NFRKB: variants seen among roughly 807,000 people sequenced by gnomAD.
NFRKB encodes the protein nuclear factor related to kappa-B-binding protein.
Under a neutral mutation model 135.7 loss-of-function variants are expected in NFRKB, and 62 were observed. The observed-to-expected ratio is 0.46, with a 90% confidence interval of 0.37 to 0.56. The LOEUF (loss-of-function observed/expected upper bound fraction) is 0.56. NFRKB is among the 20% of genes least tolerant of loss of function. The pLI is 0.00. For synonymous variants in NFRKB, 678 were observed against 635.6 expected (o/e 1.07, Z -1.00); for missense variants, 1,545 against 1,662.0 (o/e 0.93, Z 1.22).
chr11:129,888,930 T>C (rs1949406864), intron 3 of NFRKB, 135 bp from the exon 4 acceptor site: 3 of 628,890 alleles, frequency 4.8e-6, no homozygotes, highest in Non-Finnish European at 8.1e-6. Context: ...TTCAGTGGCC[T>C]TAAGTGCATT....
rs1214557484 is a variant in NFRKB, at chr11:129,882,175, G to C, written c.1102C>G (p.Pro368Ala). 1 of 1,611,942 alleles carries C rather than the reference G, an allele frequency of 6.2e-7. No homozygotes were observed. Among genetic ancestry groups the C allele is most frequent in the Non-Finnish European group, 8.5e-7 (1 of 1,179,406 alleles). Residue 368 changes from proline (P) to alanine (A), a missense_variant, in exon 11 of 27, where the codon CCT (proline) becomes GCT (alanine). Pro to Ala is a conservative substitution (Grantham distance 27). Around this residue, in one of 3 missense-constraint regions of NFRKB, gnomAD observed 678 missense variants for 646.7 expected, o/e 1.05. Transcript: ENST00000682444. ...GATATTTCATTGATTCCAAGGCAAG[G>C]CTTGAGGTCTTCAAGGGGCCTAATG... ...IKEEPLEDLK[P>A]CLGINEISSS...
intron 4 of NFRKB, 24 bp downstream of exon 4, chr11:129,888,570 A>G (rs769914046): frequency 1.2e-6 from 2 of 1,612,404 alleles, no homozygotes; most frequent in African/African-American, 1.3e-5. Flanking sequence ...ACCCCCCTCA[A>G]AGAAAGAATA....
At chr11:129,867,269 G>A (rs1292498381) in intron 24 of NFRKB, among the ~76,000 whole-genome samples, 1 of 151,534 alleles carries the variant, frequency 6.6e-6, no homozygotes, top group African/African-American at 2.4e-5. Context: ...TCAAGTGAGT[G>A]CAGTTTCCCG....
chr11:129,888,411 TCAATA>T (rs1284778476), intron 4 of NFRKB, 178 bp downstream of exon 4: 13 of 705,294 alleles, frequency 1.8e-5, no homozygotes, highest in Non-Finnish European at 3.4e-5. Flanking sequence ...TCTATATAAG[TCAATA>T]CATTTTTGTT....
intron 12 of NFRKB, 88 bp from the exon 13 acceptor site, chr11:129,881,596 A>G: frequency 6.3e-7 from 1 of 1,597,574 alleles, no homozygotes; most frequent in Admixed American, 1.7e-5. Context: ...TGTATTAGAA[A>G]AGCAGGAACC....
intron 3 of NFRKB, among the ~76,000 whole-genome samples, 183 bp from the exon 4 acceptor site, chr11:129,888,978 ATT>A (rs375449345): frequency 2.8e-5 from 4 of 143,874 alleles, no homozygotes; most frequent in African/African-American, 1.0e-4. Flanking sequence ...AATTTTTTAC[ATT>A]TTTTTTTTTT....
At chr11:129,867,910 A>C (rs1237758146) in intron 24 of NFRKB, among the ~76,000 whole-genome samples, 2 of 152,176 alleles carry the variant, frequency 1.3e-5, no homozygotes, top group African/African-American at 4.8e-5. Context: ...CTAGTGGGGG[A>C]AGCAATAGTT....
chr11:129,867,913 C>A (rs890786248), intron 24 of NFRKB, among the ~76,000 whole-genome samples: 1 of 152,082 alleles, frequency 6.6e-6, no homozygotes, highest in African/African-American at 2.4e-5. Flanking sequence ...GTGGGGGAAG[C>A]AATAGTTGAT....
intron 4 of NFRKB, among the ~76,000 whole-genome samples, chr11:129,887,225 G>A (rs1949321586): frequency 6.6e-6 from 1 of 152,172 alleles, no homozygotes; most frequent in African/African-American, 2.4e-5. Context: ...TATAGTAACT[G>A]ATGCAGTTGA....
chr11:129,882,742 A>C, intron 9 of NFRKB, 111 bp from the exon 10 acceptor site: 1 of 1,163,888 alleles, frequency 8.6e-7, no homozygotes, highest in Non-Finnish European at 1.2e-6. Context: ...GAAAAGTCTC[A>C]GTAATAAAAC....
At position 129,888,733 on chromosome 11, in the gene NFRKB, T is replaced by G; in HGVS notation, c.198A>C (p.Gln66His). 1 of 1,614,212 alleles carries G rather than the reference T, an allele frequency of 6.2e-7. No homozygotes were observed. Among genetic ancestry groups the G allele is most frequent in the Non-Finnish European group, 8.5e-7 (1 of 1,180,028 alleles). ...GCAGAAACTGCTGGAGGTGTTCACG[T>G]TGAGAATCACTTAACACTTCCTGCC... ...STWQEVLSDS[Q>H]REHLQQFLPQ... Residue 66 changes from glutamine (Q) to histidine (H), a missense_variant, in exon 4 of 27, where the codon CAA becomes CAC. By Grantham distance (24) the Gln-to-His change is conservative (BLOSUM62 0). Around this residue, in one of 3 missense-constraint regions of NFRKB, gnomAD observed 678 missense variants for 646.7 expected, o/e 1.05. Coordinates refer to ENST00000682444, the MANE Select transcript of NFRKB (RefSeq NM_001143835.2).
chr11:129,867,288 T>C (rs1948242157), intron 24 of NFRKB, among the ~76,000 whole-genome samples: 1 of 152,134 alleles, frequency 6.6e-6, no homozygotes. Context: ...CGCTTCCTTA[T>C]TTCAACTTCT....
At chr11:129,887,680 A>T (rs1949342581) in intron 4 of NFRKB, among the ~76,000 whole-genome samples, 1 of 152,196 alleles carries the variant, frequency 6.6e-6, no homozygotes, top group Non-Finnish European at 1.5e-5. Flanking sequence ...CAATGCATGA[A>T]CCCTGAACAG....
intron 4 of NFRKB, 116 bp downstream of exon 4, chr11:129,888,478 G>T: frequency 9.1e-7 from 1 of 1,096,686 alleles, no homozygotes; most frequent in African/African-American, 1.5e-5. Context: ...GCTCTTTGCT[G>T]CCTCAGTATC....
chr11:129,880,012 C>T (rs1000636191), intron 13 of NFRKB, among the ~76,000 whole-genome samples: 1 of 152,110 alleles, frequency 6.6e-6, no homozygotes, highest in Non-Finnish European at 1.5e-5. Context: ...CATGGGGAAA[C>T]CTTGTCTCTA....
rs1214901044 is a variant in NFRKB, at chr11:129,877,381, T to G, written c.1516A>C (p.Thr506Pro). The G allele has an allele frequency of 6.2e-7, 1 of 1,614,058 alleles. No homozygotes were observed. The highest frequency in any genetic ancestry group is 1.3e-5 in the African/African-American group (1 of 74,918). The change falls in exon 16 of 27, where the codon ACT becomes CCT. Residue 506 changes from threonine to proline, a missense_variant. By Grantham distance (38) the Thr-to-Pro change is conservative. Coordinates refer to ENST00000682444, the MANE Select transcript of NFRKB (RefSeq NM_001143835.2). The part of the protein sequence containing the change: ...DATTPVPRVR[T>P]DYVVRPSTGE... Reference sequence around the variant, plus strand: ...GTGCTGGGACGCACCACATAGTCAGTTCTTCTGGAATATAAAGAATTCTGT... The same window carrying G: ...GTGCTGGGACGCACCACATAGTCAGGTCTTCTGGAATATAAAGAATTCTGT...
Position 129,869,514 on chromosome 11 carries a change from C to T in NFRKB, c.3511G>A (p.Val1171Ile), listed in dbSNP as rs761330122. 6.2e-7 allele frequency: 1 copy of T among 1,611,552 alleles called. No individual in the cohort carries two copies. The highest frequency in any genetic ancestry group is 1.7e-5 in the Admixed American group (1 of 59,948). The change falls in exon 24 of 27, where the codon GTT becomes ATT. Residue 1171 changes from valine to isoleucine, a missense_variant. By Grantham distance (29) the Val-to-Ile change is conservative. Around this residue, in one of 3 missense-constraint regions of NFRKB, gnomAD observed 753 missense variants for 804.3 expected, o/e 0.94. Transcript: ENST00000682444. The stretch of plus-strand genomic sequence containing the variant: ...CTCACAGCCTGGGACGTGGACACAA[C>T]CGTGGTGCTGACAGGGACCTGCCGC... The part of the protein sequence containing the change: ...TVRQVPVSTT[V>I]VSTSQAGKLP...
At position 129,882,801 on chromosome 11, in the gene NFRKB, T is replaced by C. The variant is rs1949092868; in HGVS notation, c.902-170A>G. On this transcript the variant is annotated intron_variant, in intron 9 of 26. Coordinates refer to ENST00000682444, the MANE Select transcript of NFRKB (RefSeq NM_001143835.2). ...AGTGATTTATAGCTTTATTTTTTTT[T>C]GAGACAGGATCTCACTCTGTTGCCC... Among the ~76,000 whole-genome samples the C allele has an allele frequency of 3.3e-5, 5 of 152,270 alleles. No homozygotes were observed. The South Asian group carries it at 1.0e-3, about 32-fold the overall frequency.
Position 129,869,978 on chromosome 11 carries a change from G to C in NFRKB, c.3047C>G (p.Pro1016Arg), listed in dbSNP as rs769424231. Residue 1016 changes from proline (P) to arginine (R), a missense_variant, in exon 24 of 27, where the codon CCA (proline) becomes CGA (arginine). Physicochemically the swap from Pro to Arg is moderately radical, Grantham distance 103 (BLOSUM62 -2). Around this residue, in one of 3 missense-constraint regions of NFRKB, gnomAD observed 753 missense variants for 804.3 expected, o/e 0.94. Transcript: ENST00000682444. Reference sequence around the variant, plus strand: ...GGCAGGGCTATCAGCTGCATGTACTGGATTGGAAGTGACGTGTAAGGTGGC... The same window carrying C: ...GGCAGGGCTATCAGCTGCATGTACTCGATTGGAAGTGACGTGTAAGGTGGC... The part of the protein sequence containing the change: ...ISATLHVTSN[P>R]VHAADSPAKA... The C allele has an allele frequency of 1.9e-6, 3 of 1,614,138 alleles. No homozygotes were observed. Among genetic ancestry groups the C allele is most frequent in the Non-Finnish European group, 2.5e-6 (3 of 1,180,052 alleles).
Sources: allele counts gnomAD v4.1 joint callset (sites outside exome capture counted in the v4.1 genomes callset), GRCh38; gene constraint gnomAD v4.1.1; regional missense constraint gnomAD v4.1.1; transcripts MANE v1.5; gene names NCBI Gene and HGNC (gene_info 2026-07-23, HGNC 2026-07-21).